VEPH1: variants seen among roughly 807,000 people sequenced by gnomAD.
The protein encoded by VEPH1 is ventricular zone expressed PH domain containing 1.
VEPH1 carries 80 observed loss-of-function variants against 85.2 expected under a neutral mutation model. The observed-to-expected ratio is 0.94, with a 90% CI of 0.78 to 1.13. VEPH1 has a LOEUF of 1.13. Among genes scored for constraint, VEPH1 ranks in the 50% most tolerant of loss-of-function variants. The probability of loss-of-function intolerance (pLI) is 0.00; values close to 1 mark genes in which losing one functional copy is unlikely to be tolerated. For synonymous variants in VEPH1, 297 were observed against 348.0 expected (o/e 0.85, Z 1.63); for missense variants, 955 against 980.5 (o/e 0.97, Z 0.35).
intron 9 of VEPH1, among the ~76,000 whole-genome samples, chr3:157,342,982 G>A (rs1037598195): frequency 3.3e-5 from 5 of 152,112 alleles, no homozygotes; most frequent in Non-Finnish European, 5.9e-5. Context: ...AAACCAATGA[G>A]AACAAAGACA....
chr3:157,479,007 C>T (rs987298038), intron 2 of VEPH1, among the ~76,000 whole-genome samples: 1 of 152,092 alleles, frequency 6.6e-6, no homozygotes, highest in African/African-American at 2.4e-5. Context: ...TTAACTGCTT[C>T]CTTTAACAAA....
chr3:157,405,411 A>C (rs1731072664), intron 6 of VEPH1, among the ~76,000 whole-genome samples: 1 of 152,136 alleles, frequency 6.6e-6, no homozygotes, highest in African/African-American at 2.4e-5. Context: ...ACATTTACTT[A>C]TCCGCACTAT....
chr3:157,440,268 G>A (rs1378329845), intron 4 of VEPH1, among the ~76,000 whole-genome samples: 1 of 152,102 alleles, frequency 6.6e-6, no homozygotes, highest in African/African-American at 2.4e-5. Context: ...CCAGTTTTGT[G>A]TTTTAGTATT....
chr3:157,296,155 A>C (rs924141784), intron 11 of VEPH1, among the ~76,000 whole-genome samples: 1 of 152,218 alleles, frequency 6.6e-6, no homozygotes. Flanking sequence ...GTACAAAAGC[A>C]TTCATGGAAA....
Position 157,466,583 on chromosome 3 carries a change from G to A in VEPH1, c.354+3731C>T, listed in dbSNP as rs561424639. Among the ~76,000 whole-genome samples, 305 of 152,302 alleles carry A rather than the reference G, an allele frequency of 2.0e-3. 4 individuals are homozygous for A. Among genetic ancestry groups the A allele is most frequent in the South Asian group, 5.2e-3 (25 of 4,830 alleles). On this transcript the variant is annotated intron_variant, in intron 3 of 13. Coordinates refer to ENST00000362010, the MANE Select transcript of VEPH1 (RefSeq NM_001167912.2). ...TAACTTTCATAATAGTCCCGAGCAG[G>A]AGGTGTTGTTATCCCAATTTTAGAG...
intron 9 of VEPH1, 120 bp from the exon 10 acceptor site, chr3:157,317,321 A>G (rs1042945883): frequency 1.3e-5 from 11 of 864,310 alleles, no homozygotes; most frequent in Non-Finnish European, 1.6e-5. Context: ...CTGTGAGCTA[A>G]TAACTACAAA....
intron 13 of VEPH1, among the ~76,000 whole-genome samples, chr3:157,263,829 A>C (rs1713245450): frequency 6.6e-6 from 1 of 152,244 alleles, no homozygotes; most frequent in Admixed American, 6.5e-5. Context: ...TACATTTTAT[A>C]ATGAGTACTC....
intron 4 of VEPH1, among the ~76,000 whole-genome samples, chr3:157,456,684 G>A (rs1735410858): frequency 6.6e-6 from 1 of 151,964 alleles, no homozygotes; most frequent in Admixed American, 6.6e-5. Context: ...ATAGTTGTAG[G>A]TGTGTAGCCT....
intron 9 of VEPH1, among the ~76,000 whole-genome samples, chr3:157,350,224 G>A (rs1365885883): frequency 2.0e-5 from 3 of 152,002 alleles, no homozygotes; most frequent in Admixed American, 6.6e-5. Flanking sequence ...ACATATCTGC[G>A]GCCAATTAAT....
chr3:157,449,965 C>T (rs1398346543), intron 4 of VEPH1, among the ~76,000 whole-genome samples: 1 of 149,328 alleles, frequency 6.7e-6, no homozygotes, highest in Admixed American at 6.7e-5. Context: ...AAGAAAAAAA[C>T]TAGTTTCTCT....
At chr3:157,262,102 A>T (rs1359345434) in intron 13 of VEPH1, among the ~76,000 whole-genome samples, 4 of 152,090 alleles carry the variant, frequency 2.6e-5, no homozygotes, top group Non-Finnish European at 5.9e-5. Context: ...CTCCTGTTGC[A>T]ATCACCCTCC....
chr3:157,376,340 C>A (rs1224364364), intron 7 of VEPH1, among the ~76,000 whole-genome samples: 2 of 152,176 alleles, frequency 1.3e-5, no homozygotes, highest in South Asian at 4.1e-4. Context: ...AATGATCACT[C>A]CACTGCTCAG....
At chr3:157,305,400 G>A (rs1212059051) in intron 11 of VEPH1, among the ~76,000 whole-genome samples, 3 of 152,090 alleles carry the variant, frequency 2.0e-5, no homozygotes, top group African/African-American at 4.8e-5. Context: ...GTGAGCCACC[G>A]CGCCCGGCCT....
At chr3:157,368,091 CTG>C (rs1726933168) in intron 7 of VEPH1, among the ~76,000 whole-genome samples, 1 of 152,172 alleles carries the variant, frequency 6.6e-6, no homozygotes, top group Non-Finnish European at 1.5e-5. Flanking sequence ...CAGATAATAA[CTG>C]TACTTAACTC....
intron 9 of VEPH1, among the ~76,000 whole-genome samples, chr3:157,330,529 T>G (rs1006877302): frequency 7.2e-5 from 11 of 152,194 alleles, no homozygotes; most frequent in Admixed American, 4.6e-4. Flanking sequence ...ATAAAACACT[T>G]CATTATTATT....
At chr3:157,331,169 C>T (rs1722459922) in intron 9 of VEPH1, among the ~76,000 whole-genome samples, 1 of 152,170 alleles carries the variant, frequency 6.6e-6, no homozygotes, top group Non-Finnish European at 1.5e-5. Context: ...TCTGCAGGGC[C>T]ATTGCTAACA....
intron 4 of VEPH1, among the ~76,000 whole-genome samples, chr3:157,431,053 G>T (rs1377790509): frequency 1.3e-5 from 2 of 152,114 alleles, no homozygotes; most frequent in Non-Finnish European, 2.9e-5. Flanking sequence ...ACGTGTCAAG[G>T]GAGGGACCTG....
At chr3:157,368,081 C>T (rs1434818455) in intron 7 of VEPH1, among the ~76,000 whole-genome samples, 1 of 152,174 alleles carries the variant, frequency 6.6e-6, no homozygotes, top group African/African-American at 2.4e-5. Flanking sequence ...CTATAAAATG[C>T]AGATAATAAC....
At chr3:157,487,477 T>C (rs549133815) in intron 2 of VEPH1, among the ~76,000 whole-genome samples, 2 of 152,280 alleles carry the variant, frequency 1.3e-5, no homozygotes, top group South Asian at 4.1e-4. Context: ...GAGAGTTTTA[T>C]ACTGTTCTAT....
Sources: gnomAD v4.1 joint callset for allele counts (sites outside exome capture counted in the v4.1 genomes callset) on GRCh38, gnomAD v4.1.1 for gene constraint, MANE v1.5 for transcripts, NCBI Gene and HGNC (gene_info 2026-07-23, HGNC 2026-07-21) for gene names.